The following SLC22A23 variants were observed in gnomAD, a reference collection of about 807,000 sequenced individuals.
SLC22A23 encodes solute carrier family 22 member 23.
A neutral mutation model predicts 61.0 loss-of-function variants in SLC22A23; 26 were observed. The observed-to-expected ratio is 0.43, with a 90% CI of 0.31 to 0.59. SLC22A23 has a LOEUF of 0.59. SLC22A23 is among the 20% of genes least tolerant of loss of function. SLC22A23 has a pLI of 0.11. For missense variants in SLC22A23, 796 were observed against 934.7 expected (o/e 0.85, Z 1.94); for synonymous variants, 430 against 413.9 (o/e 1.04, Z -0.47).
intron 1 of SLC22A23, 85 bp from the exon 2 acceptor site, chr6:3,415,940 C>G (rs1028078190): frequency 1.0e-6 from 1 of 952,694 alleles, no homozygotes; most frequent in Non-Finnish European, 1.6e-6. Context: ...TACAATAACC[C>G]TGCAGGGACC....
At chr6:3,355,949 T>A (rs1175755344) in intron 3 of SLC22A23, among the ~76,000 whole-genome samples, 6 of 131,266 alleles carry the variant, frequency 4.6e-5, no homozygotes, top group Non-Finnish European at 9.5e-5. Flanking sequence ...AGTTTTTTTT[T>A]AAAGGCAAAA....
rs1256163059 is a variant in SLC22A23 at position 3,283,978 on chromosome 6, G to A, written c.1580-3C>T. 3 of 1,600,988 alleles carry A rather than the reference G, an allele frequency of 1.9e-6. No homozygotes were observed. Among genetic ancestry groups the A allele is most frequent in the Admixed American group, 1.7e-5 (1 of 59,692 alleles). On this transcript the variant is annotated splice_region_variant and splice_polypyrimidine_tract_variant and intron_variant, in intron 8 of 9. Transcript: ENST00000406686. The stretch of plus-strand genomic sequence containing the variant: ...GTCCTTGACGCTGTCACTCATCCCT[G>A]GGGGAAGGTCAGAAGAAGGTGGTGA...
intron 3 of SLC22A23, among the ~76,000 whole-genome samples, chr6:3,368,108 T>C (rs1164597791): frequency 1.3e-5 from 2 of 152,256 alleles, no homozygotes; most frequent in Non-Finnish European, 2.9e-5. Context: ...CCCACCCTTT[T>C]GGACAAATGC....
intron 1 of SLC22A23, among the ~76,000 whole-genome samples, chr6:3,443,913 T>C (rs913301983): frequency 6.6e-6 from 1 of 152,192 alleles, no homozygotes; most frequent in African/African-American, 2.4e-5. Context: ...GATGAGAAGA[T>C]ATAGCTTCTG....
At chr6:3,340,178 G>A (rs1245179320) in intron 3 of SLC22A23, among the ~76,000 whole-genome samples, 1 of 152,160 alleles carries the variant, frequency 6.6e-6, no homozygotes, top group African/African-American at 2.4e-5. Context: ...TTTGAAATTG[G>A]TTGGCATTTC....
In SLC22A23 at chr6:3,456,355, C is replaced by T. The variant is rs1772407523; in HGVS notation, c.205G>A (p.Ala69Thr). The change falls in exon 1 of 10, where the codon GCG becomes ACG. Residue 69 changes from alanine to threonine, a missense_variant. Coordinates refer to ENST00000406686, the MANE Select transcript of SLC22A23 (RefSeq NM_015482.2). The surrounding 1 kb of genome is among the most constrained non-coding windows in gnomAD (Gnocchi z 7.1). The part of the protein sequence containing the change: ...GGGPHPSCCS[A>T]AAAPSLLLLD... The stretch of plus-strand genomic sequence containing the variant: ...AACAAGAGGCTCGGGGCCGCAGCCG[C>T]GGAGCAGCAGCTCGGGTGCGGGCCG... 1 of 1,547,482 alleles carries T rather than the reference C, an allele frequency of 6.5e-7. No individual in the cohort carries two copies.
rs1164625841 is a variant in SLC22A23 at position 3,327,467 on chromosome 6, T to C, written c.914-3465A>G. Among the ~76,000 whole-genome samples the C allele has an allele frequency of 6.6e-6, 1 of 152,236 alleles. No individual in the cohort carries two copies. Among genetic ancestry groups the C allele is most frequent in the Non-Finnish European group, 1.5e-5 (1 of 68,042 alleles). ...ACAAGAAAGTATCTTGGGTGATGCA[T>C]CAAAGATTCAAACATTAAACTATCT... On this transcript the variant is annotated intron_variant, in intron 3 of 9. Transcript: ENST00000406686. This position sits in a 1 kb window ranked among gnomAD's most constrained non-coding sequence, Gnocchi z 4.1.
At chr6:3,380,006 TG>T in intron 3 of SLC22A23, among the ~76,000 whole-genome samples, 1 of 152,246 alleles carries the variant, frequency 6.6e-6, no homozygotes, top group African/African-American at 2.4e-5. Flanking sequence ...CACATGCCTG[TG>T]GGAGAGATAA....
intron 6 of SLC22A23, among the ~76,000 whole-genome samples, chr6:3,287,960 C>G (rs1382108177): frequency 6.6e-6 from 1 of 152,210 alleles, no homozygotes; most frequent in Non-Finnish European, 1.5e-5. Flanking sequence ...GTTGGGATTA[C>G]AGGTGTGAGC....
Position 3,285,117 on chromosome 6 carries a change from C to A in SLC22A23, c.1547-6G>T. On this transcript the variant is annotated splice_region_variant and splice_polypyrimidine_tract_variant and intron_variant, in intron 7 of 9. Transcript: ENST00000406686. The stretch of plus-strand genomic sequence containing the variant: ...CTGGCTGTACTTTCCAATCACTGGA[C>A]CCGCAGACATGATCGCACCCACACG... 6.2e-7 allele frequency: 1 copy of A among 1,613,482 alleles called. No individual in the cohort carries two copies. Among genetic ancestry groups the A allele is most frequent in the Non-Finnish European group, 8.5e-7 (1 of 1,179,712 alleles).
At chr6:3,284,437 C>T (rs1324035767) in intron 8 of SLC22A23, among the ~76,000 whole-genome samples, 2 of 152,234 alleles carry the variant, frequency 1.3e-5, no homozygotes, top group Non-Finnish European at 2.9e-5. Context: ...TTCAACCCAT[C>T]AAAGCCCTCG....
In SLC22A23 at chr6:3,283,881, G is replaced by A. The variant is rs1473399671; in HGVS notation, c.1674C>T (p.Phe558=). ...SHAVGSLSVF[F]CAEITPTVIR... ...TCACCGTCGGGGTGATCTCCGCACAGAAGAACACGCTGAGGCTCCCCACCG... is the reference window on the plus strand; with the variant it reads ...TCACCGTCGGGGTGATCTCCGCACAAAAGAACACGCTGAGGCTCCCCACCG... The change falls in exon 9 of 10, where the codon TTC becomes TTT. Residue 558 remains phenylalanine, a synonymous_variant. Transcript: ENST00000406686. 6.2e-7 allele frequency: 1 copy of A among 1,613,682 alleles called. No individual in the cohort carries two copies. Among genetic ancestry groups the A allele is most frequent in the Non-Finnish European group, 8.5e-7 (1 of 1,179,722 alleles).
At chr6:3,339,917 T>C (rs1764058617) in intron 3 of SLC22A23, among the ~76,000 whole-genome samples, 1 of 152,232 alleles carries the variant, frequency 6.6e-6, no homozygotes, top group South Asian at 2.1e-4. Context: ...CCCCGAACTC[T>C]TTCTTGGGTG....
intron 3 of SLC22A23, among the ~76,000 whole-genome samples, chr6:3,371,870 C>T (rs1766240282): frequency 1.3e-5 from 2 of 152,028 alleles, no homozygotes; most frequent in Admixed American, 1.3e-4. Context: ...ATTGAATGTA[C>T]CACCAAGAAA....
intron 1 of SLC22A23, among the ~76,000 whole-genome samples, chr6:3,433,948 A>G (rs1771034551): frequency 6.6e-6 from 1 of 152,196 alleles, no homozygotes; most frequent in Non-Finnish European, 1.5e-5. Context: ...GCATATATAC[A>G]AGTCAAAACC....
intron 3 of SLC22A23, among the ~76,000 whole-genome samples, chr6:3,341,818 G>A (rs991814287): frequency 1.3e-5 from 2 of 152,046 alleles, no homozygotes; most frequent in African/African-American, 4.8e-5. Context: ...AACACAAGCT[G>A]GGAATAAAAT....
chr6:3,325,925 A>G (rs551781348), intron 3 of SLC22A23, among the ~76,000 whole-genome samples: 25 of 152,400 alleles, frequency 1.6e-4, no homozygotes, highest in African/African-American at 6.0e-4. Context: ...TTGCTGGTAC[A>G]GCAGACATAT....
At chr6:3,431,818 C>T (rs116719825) in intron 1 of SLC22A23, among the ~76,000 whole-genome samples, 10 of 152,130 alleles carry the variant, frequency 6.6e-5, no homozygotes, top group African/African-American at 1.2e-4. Context: ...CCACAAAGAC[C>T]GCCATTTGCC....
intron 1 of SLC22A23, among the ~76,000 whole-genome samples, chr6:3,428,555 T>C (rs911605263): frequency 2.0e-5 from 3 of 152,256 alleles, no homozygotes; most frequent in Non-Finnish European, 4.4e-5. Flanking sequence ...CATTCACTAC[T>C]GATGCAGCAG....
Sources: allele counts gnomAD v4.1 joint callset (sites outside exome capture counted in the v4.1 genomes callset), GRCh38; gene constraint gnomAD v4.1.1; non-coding constraint Gnocchi (gnomAD v3.1); transcripts MANE v1.5; gene names NCBI Gene and HGNC (gene_info 2026-07-23, HGNC 2026-07-21).